The following ACAD9 variants were observed in gnomAD, a reference collection of about 807,000 sequenced individuals.
The protein encoded by ACAD9 is acyl-CoA dehydrogenase family member 9, also known as complex I assembly factor ACAD9, mitochondrial.
A neutral mutation model predicts 70.2 loss-of-function variants in ACAD9; 53 were observed. The ratio of observed to expected loss-of-function variants is 0.75; its 90% confidence interval spans 0.61 to 0.95. The LOEUF is 0.95. Ranked by LOEUF, ACAD9 falls within the 40% of genes least tolerant of loss-of-function variation. The probability of loss-of-function intolerance (pLI) is 0.00; values close to 1 mark genes in which losing one functional copy is unlikely to be tolerated. For synonymous variants in ACAD9, 313 were observed against 312.1 expected (o/e 1.00, Z -0.03); for missense variants, 777 against 802.8 (o/e 0.97, Z 0.39).
chr3:128,893,105 C>A (rs548548894), intron 2 of ACAD9, among the ~76,000 whole-genome samples: 1 of 151,434 alleles, frequency 6.6e-6, no homozygotes, highest in South Asian at 2.1e-4. Flanking sequence ...CAGTACTTTG[C>A]GAGGCTGTGG....
At chr3:128,896,577 T>C in intron 5 of ACAD9, 41 bp downstream of exon 5, 1 of 1,604,818 alleles carries the variant, frequency 6.2e-7, no homozygotes, top group African/African-American at 1.3e-5. Context: ...GCAGCTGTGA[T>C]GTTGCCCAAG....
In ACAD9 at chr3:128,897,720, C is replaced by T; in HGVS notation, c.633+10C>T. The stretch of plus-strand genomic sequence containing the variant: ...CCTCAATGGCTCCAAGGTAGGGTTC[C>T]TTCCCCATGGCCACATTAGGGTCTC... On this transcript the variant is annotated intron_variant, in intron 6 of 17. Transcript: ENST00000308982. The T allele has an allele frequency of 6.2e-7, 1 of 1,612,090 alleles. No homozygotes were observed. Among genetic ancestry groups the T allele is most frequent in the Non-Finnish European group, 8.5e-7 (1 of 1,178,940 alleles).
At chr3:128,898,680 G>T (rs1034992776) in intron 6 of ACAD9, among the ~76,000 whole-genome samples, 39 of 151,942 alleles carry the variant, frequency 2.6e-4, no homozygotes, top group African/African-American at 8.2e-4. Context: ...GATTACAGGC[G>T]TGAGCCACTG....
In ACAD9 at chr3:128,912,579, G is replaced by C; in HGVS notation, c.1838G>C (p.Cys613Ser). The C allele has an allele frequency of 6.2e-7, 1 of 1,614,202 alleles. No individual in the cohort carries two copies. Among genetic ancestry groups the C allele is most frequent in the Non-Finnish European group, 8.5e-7 (1 of 1,180,024 alleles). The change falls in exon 18 of 18, where the codon TGT becomes TCT. Residue 613 changes from cysteine to serine, a missense_variant. Transcript: ENST00000308982. ...ATCCTTGAGAAGCGAGCCTATATCT[G>C]TGCCCACCCTCTGGACAGGACATGC... Reference protein sequence around the residue: ...QQILEKRAYICAHPLDRTC With the variant: ...QQILEKRAYISAHPLDRTC
At chr3:128,884,177 C>T (rs1224812820) in intron 1 of ACAD9, among the ~76,000 whole-genome samples, 1 of 152,176 alleles carries the variant, frequency 6.6e-6, no homozygotes, top group African/African-American at 2.4e-5. Context: ...TTGTCCATTT[C>T]AGTAAGGAGT....
At chr3:128,883,041 A>G (rs1935137450) in intron 1 of ACAD9, among the ~76,000 whole-genome samples, 1 of 151,664 alleles carries the variant, frequency 6.6e-6, no homozygotes. Flanking sequence ...GCTTTGATAT[A>G]AAAGGCTGCA....
chr3:128,890,627 G>A (rs1935392476), intron 2 of ACAD9, among the ~76,000 whole-genome samples: 3 of 151,558 alleles, frequency 2.0e-5, no homozygotes, highest in African/African-American at 7.3e-5. Context: ...GCGTGAACCC[G>A]GGAGGCGGAG....
chr3:128,888,359 A>C (rs914453399), intron 2 of ACAD9, among the ~76,000 whole-genome samples: 1 of 152,174 alleles, frequency 6.6e-6, no homozygotes, highest in African/African-American at 2.4e-5. Flanking sequence ...TGGGTGGATC[A>C]CTTGAGGTCA....
Position 128,912,591 on chromosome 3 carries a change from T to C in ACAD9, c.1850T>C (p.Leu617Pro). ...EKRAYICAHP[L>P]DRTC is the part of the protein sequence containing the mutation. Reference sequence around the variant, plus strand: ...CGAGCCTATATCTGTGCCCACCCTCTGGACAGGACATGCTGAGGCAGGGGA... The same window carrying C: ...CGAGCCTATATCTGTGCCCACCCTCCGGACAGGACATGCTGAGGCAGGGGA... Residue 617 changes from leucine to proline, a missense_variant, in exon 18 of 18, where the codon CTG (leucine) becomes CCG (proline). By Grantham distance (98) the Leu-to-Pro change is moderately conservative. Coordinates refer to ENST00000308982, the MANE Select transcript of ACAD9 (RefSeq NM_014049.5). 1 of 1,614,122 alleles carries C rather than the reference T, an allele frequency of 6.2e-7. No homozygotes were observed. Among genetic ancestry groups the C allele is most frequent in the Non-Finnish European group, 8.5e-7 (1 of 1,179,966 alleles).
chr3:128,902,429 G>A lies in ACAD9; in HGVS notation c.883-124G>A. On this transcript the variant is annotated intron_variant, in intron 8 of 17. Transcript: ENST00000308982. This position sits in a 1 kb window ranked among gnomAD's most constrained non-coding sequence, Gnocchi z 4.0. ...AGTGACTGAACCACCTTGTTCTGAG[G>A]CATTAGGATGGTGCTTTCTCCCAGC... 1.2e-6 allele frequency: 1 copy of A among 861,810 alleles called. No homozygotes were observed. Among genetic ancestry groups the A allele is most frequent in the South Asian group, 1.3e-5 (1 of 74,142 alleles). The allele number at this position is 861,810 out of a possible 1,614,324, so 53.4% of individuals were successfully genotyped here.
Position 128,879,705 on chromosome 3 carries a change from G to A in ACAD9, c.14G>A (p.Gly5Glu). ...ACATCGGGCAGCATGAGCGGCTGCG[G>A]GCTCTTCCTGCGCACCACGGCTGCG... is the stretch of plus-strand genomic sequence containing the variant. MSGC[G>E]LFLRTTAAAR... Residue 5 changes from glycine to glutamate, a missense_variant, in exon 1 of 18, where the codon GGG becomes GAG. Transcript: ENST00000308982. The A allele has an allele frequency of 6.2e-7, 1 of 1,612,636 alleles. No homozygotes were observed. Among genetic ancestry groups the A allele is most frequent in the Non-Finnish European group, 8.5e-7 (1 of 1,179,914 alleles).
In ACAD9 at chr3:128,908,564, C is replaced by T. The variant is rs1935981973; in HGVS notation, c.1358+300C>T. The T allele has an allele frequency of 4.6e-5, 26 of 567,424 alleles. No individual in the cohort carries two copies. The South Asian group carries it at 5.2e-4, about 11-fold the overall frequency. 35.1% of individuals were successfully genotyped at this position (567,424 alleles called of 1,614,324 possible). On this transcript the variant is annotated intron_variant, in intron 13 of 17. Coordinates refer to ENST00000308982, the MANE Select transcript of ACAD9 (RefSeq NM_014049.5). ...AGAACCTGAAGAATGAGAGGTGTCC[C>T]TTTAAAGGTGCCAGGCCTCACAGCC...
At chr3:128,910,950 GT>G (rs918896959) in intron 17 of ACAD9, 137 bp downstream of exon 17, 12 of 1,068,630 alleles carry the variant, frequency 1.1e-5, no homozygotes, top group Middle Eastern at 2.8e-4. Flanking sequence ...GAGGGCCTGG[GT>G]AGGCCTGGGC....
chr3:128,898,745 C>T (rs1405361142), intron 6 of ACAD9, among the ~76,000 whole-genome samples: 2 of 152,194 alleles, frequency 1.3e-5, no homozygotes, highest in African/African-American at 2.4e-5. Context: ...CTGATTGCCT[C>T]ATACCTTTTT....
intron 8 of ACAD9, 145 bp downstream of exon 8, chr3:128,901,494 A>G: frequency 1.1e-6 from 1 of 904,490 alleles, no homozygotes; most frequent in Non-Finnish European, 1.8e-6. Flanking sequence ...GAAATTGGCA[A>G]AATGGACACT....
rs926377525 is a variant in ACAD9 at position 128,912,751 on chromosome 3, G to C, written c.*144G>C. The C allele has an allele frequency of 5.0e-6, 4 of 798,518 alleles. No homozygotes were observed. Among genetic ancestry groups the C allele is most frequent in the Admixed American group, 3.4e-5 (2 of 58,518 alleles). The allele number at this position is 798,518 out of a possible 1,614,324, so 49.5% of individuals were successfully genotyped here. A position where few individuals can be genotyped will look rare whatever the true frequency, so the allele number is the denominator to read the frequency against. On this transcript the variant is annotated 3_prime_UTR_variant, in exon 18 of 18. Transcript: ENST00000308982. ...TCTGCACCTGAAGGGTTGTCGCCTG[G>C]CCTGGGAGAGCCTCTTCCAGGTTTT... is the stretch of plus-strand genomic sequence containing the variant.
intron 17 of ACAD9, among the ~76,000 whole-genome samples, chr3:128,911,160 G>C (rs1194530940): frequency 6.6e-6 from 1 of 151,864 alleles, no homozygotes; most frequent in Non-Finnish European, 1.5e-5. Context: ...GGGTTCAAGC[G>C]ATTCTTCTGC....
intron 17 of ACAD9, among the ~76,000 whole-genome samples, chr3:128,911,348 G>C (rs369311963): frequency 6.6e-6 from 1 of 152,152 alleles, no homozygotes; most frequent in African/African-American, 2.4e-5. Flanking sequence ...ATGAGCCACC[G>C]CACCGGGCCT....
intron 10 of ACAD9, 124 bp from the exon 11 acceptor site, chr3:128,904,262 C>T (rs1041182220): frequency 1.6e-5 from 26 of 1,584,362 alleles, no homozygotes; most frequent in African/African-American, 4.0e-5. Context: ...TTATTTGACA[C>T]GGGTCACTGG....
Sources: gnomAD v4.1 joint callset for allele counts (sites outside exome capture counted in the v4.1 genomes callset) on GRCh38, gnomAD v4.1.1 for gene constraint, Gnocchi (gnomAD v3.1) non-coding constraint, MANE v1.5 for transcripts, NCBI Gene and HGNC (gene_info 2026-07-23, HGNC 2026-07-21) for gene names.